Variants in SMN2 observed in about 807,000 individuals in gnomAD.
SMN2 encodes the protein survival of motor neuron 2, centromeric.
SMN2 carries 1 observed loss-of-function variant against 2.8 expected under a neutral mutation model. The observed-to-expected ratio is 0.35, with a 90% CI of 0.13 to 1.68. The LOEUF (loss-of-function observed/expected upper bound fraction) is 1.68, where lower values mean the gene tolerates loss of function less well. Ranked by LOEUF, SMN2 falls within the 40% of genes most tolerant of loss-of-function variation. The pLI is 0.35. For missense variants in SMN2, 12 were observed against 16.9 expected, an observed-to-expected ratio of 0.71 and a Z score of 0.51; for synonymous variants, 5 against 5.0, an observed-to-expected ratio of 0.99 and a Z score of 0.01.
At chr5:70,084,276 T>A in the SMN2 span, among the ~76,000 whole-genome samples, 1 of 72,360 alleles carries the variant, frequency 1.4e-5, no homozygotes, top group Admixed American at 1.6e-4. Flanking sequence ...AACCTCCGCC[T>A]CCCAGGTTCA....
At chr5:70,084,477 G>T in the SMN2 span, among the ~76,000 whole-genome samples, 2 of 135,820 alleles carry the variant, frequency 1.5e-5, no homozygotes, top group Admixed American at 1.5e-4. Flanking sequence ...ATGAGCCACC[G>T]TGCCCGACCT....
chr5:70,079,758 C>CAA (rs543527450), downstream of SMN2, among the ~76,000 whole-genome samples: 17 of 98,050 alleles, frequency 1.7e-4, no homozygotes, highest in East Asian at 6.6e-4. Context: ...GACCCTGTCT[C>CAA]AAAAAAAAAA....
At chr5:70,052,878 C>T (rs368483234) in intron 1 of SMN2, among the ~76,000 whole-genome samples, 15,873 of 125,230 alleles carry the variant, frequency 0.13, 3,542 homozygotes, top group African/African-American at 0.44. Context: ...TGAGACTCTG[C>T]CTCAAAAAAA....
At chr5:70,079,788 C>CA (rs1774830098), downstream of SMN2, among the ~76,000 whole-genome samples, 1 of 106,760 alleles carries the variant, frequency 9.4e-6, no homozygotes, top group Non-Finnish European at 1.8e-5. Context: ...AAGCAACAAA[C>CA]AAAAAACAAG....
At chr5:70,082,110 A>G (rs544737693), downstream of SMN2, among the ~76,000 whole-genome samples, 6 of 133,678 alleles carry the variant, frequency 4.5e-5, 1 homozygote, top group Non-Finnish European at 7.7e-5. Flanking sequence ...TTCTGCATCT[A>G]TTGAGATAAT....
chr5:70,083,628 A>C, the SMN2 span, among the ~76,000 whole-genome samples: 1 of 135,986 alleles, frequency 7.4e-6, no homozygotes, highest in African/African-American at 3.2e-5. Context: ...AACCATAAGA[A>C]ATGATGAGTT....
At chr5:70,069,993 G>A (rs1305183554) in intron 6 of SMN2, among the ~76,000 whole-genome samples, 4 of 36,218 alleles carry the variant, frequency 1.1e-4, no homozygotes, top group African/African-American at 4.4e-4. Flanking sequence ...GTGAGCTGCC[G>A]CACCCAGCTG....
At chr5:70,052,950 C>T (rs1200859821) in intron 1 of SMN2, among the ~76,000 whole-genome samples, 2 of 111,368 alleles carry the variant, frequency 1.8e-5, no homozygotes, top group Non-Finnish European at 3.9e-5. Flanking sequence ...AATGATTGTC[C>T]CCATCAAATC....
downstream of SMN2, among the ~76,000 whole-genome samples, chr5:70,080,200 G>A (rs1212800458): frequency 3.0e-5 from 4 of 131,512 alleles, no homozygotes. Context: ...GCATGGTGGT[G>A]GGCGCCTGTG....
chr5:70,071,477 A>G, intron 7 of SMN2: 1 of 130,480 alleles, frequency 7.7e-6, no homozygotes, highest in Non-Finnish European at 1.6e-5. Context: ...GTTCTATTGT[A>G]TTTTAGTCAG....
At chr5:70,083,715 C>G in the SMN2 span, among the ~76,000 whole-genome samples, 1 of 131,260 alleles carries the variant, frequency 7.6e-6, no homozygotes, top group Non-Finnish European at 1.6e-5. Context: ...AAAAACCAAA[C>G]ACCGCATGTT....
downstream of SMN2, among the ~76,000 whole-genome samples, chr5:70,079,254 A>G (rs1774815688): frequency 1.4e-5 from 2 of 141,870 alleles, no homozygotes; most frequent in South Asian, 4.3e-4. Flanking sequence ...CCAACATAGT[A>G]AAACCCTGTC....
the SMN2 span, among the ~76,000 whole-genome samples, chr5:70,084,538 T>C: frequency 7.3e-6 from 1 of 137,338 alleles, no homozygotes; most frequent in Non-Finnish European, 1.5e-5. Flanking sequence ...GTAGAGGTTA[T>C]ATTAATCTAT....
At chr5:70,076,000 C>T (rs1283265375) in intron 7 of SMN2, among the ~76,000 whole-genome samples, 2 of 125,830 alleles carry the variant, frequency 1.6e-5, no homozygotes, top group Admixed American at 7.9e-5. Context: ...ATTAGAGGTC[C>T]CCACCACCAT....
In SMN2 at chr5:70,076,506, T is replaced by C; in HGVS notation, c.835-15T>C. ...ATATAGCTATTTTTTTTAACTTCCT[T>C]TATTTTCCTTACAGGGTTTTAGACA... On this transcript the variant is annotated splice_polypyrimidine_tract_variant and intron_variant, in intron 7 of 8. Coordinates refer to ENST00000380743, the MANE Select transcript of SMN2 (RefSeq NM_017411.4). 5 of 1,448,608 alleles carry C rather than the reference T, an allele frequency of 3.5e-6. 1 individual carries two copies. The South Asian group carries it at 5.9e-5, about 17-fold the overall frequency. 89.7% of individuals were successfully genotyped at this position (1,448,608 alleles called of 1,614,324 possible). A position where few individuals can be genotyped will look rare whatever the true frequency, so the allele number is the denominator to read the frequency against.
intron 7 of SMN2, among the ~76,000 whole-genome samples, chr5:70,071,011 G>GTTTTA (rs1198951254): frequency 8.9e-5 from 8 of 89,786 alleles, no homozygotes; most frequent in Non-Finnish European, 1.8e-4. Flanking sequence ...TCTAAATAAT[G>GTTTTA]TTTTAATCTC....
At chr5:70,079,381 G>A (rs1166778949), downstream of SMN2, among the ~76,000 whole-genome samples, 7 of 142,228 alleles carry the variant, frequency 4.9e-5, no homozygotes, top group Non-Finnish European at 7.5e-5. Context: ...GTGGTGAGCC[G>A]AGATTGTGCC....
downstream of SMN2, among the ~76,000 whole-genome samples, chr5:70,083,439 A>G (rs1464840914): frequency 2.9e-5 from 4 of 136,274 alleles, no homozygotes; most frequent in Non-Finnish European, 6.1e-5. Flanking sequence ...TGACCCAGCC[A>G]TCCCATTACT....
chr5:70,079,403 G>A (rs1774818893), downstream of SMN2, among the ~76,000 whole-genome samples: 1 of 129,894 alleles, frequency 7.7e-6, no homozygotes, highest in Non-Finnish European at 1.5e-5. Context: ...CTGTACTCAA[G>A]CCTGGGCTAA....
Sources: gnomAD v4.1 joint callset for allele counts (sites outside exome capture counted in the v4.1 genomes callset) on GRCh38, gnomAD v4.1.1 for gene constraint, MANE v1.5 for transcripts, NCBI Gene and HGNC (gene_info 2026-07-23, HGNC 2026-07-21) for gene names.